The following PHLPP1 variants were observed in gnomAD, a reference collection of about 807,000 sequenced individuals.
PHLPP1 encodes PH domain and leucine rich repeat protein phosphatase 1.
Under a neutral mutation model 117.2 loss-of-function variants are expected in PHLPP1, and 42 were observed. That is an observed-to-expected ratio of 0.36 (90% confidence interval 0.28 to 0.46). PHLPP1 has a LOEUF of 0.46. PHLPP1 is among the 20% of genes least tolerant of loss of function. PHLPP1 has a pLI of 1.00. For missense variants in PHLPP1, 2,084 were observed against 2,241.9 expected (o/e 0.93, Z 1.42); for synonymous variants, 1,042 against 970.7 (o/e 1.07, Z -1.37).
At chr18:62,718,744 TA>T (rs971080960) in intron 1 of PHLPP1, among the ~76,000 whole-genome samples, 4 of 152,230 alleles carry the variant, frequency 2.6e-5, no homozygotes, top group African/African-American at 9.6e-5. Context: ...ACAAAAGCAT[TA>T]AAAATAGGTG....
chr18:62,958,305 T>C (rs1910676583), intron 12 of PHLPP1, among the ~76,000 whole-genome samples: 1 of 152,232 alleles, frequency 6.6e-6, no homozygotes, highest in African/African-American at 2.4e-5. Context: ...CACGGAGATT[T>C]TGTGAGCAAT....
At chr18:62,852,460 C>T (rs1311330746) in intron 3 of PHLPP1, among the ~76,000 whole-genome samples, 2 of 152,180 alleles carry the variant, frequency 1.3e-5, no homozygotes, top group East Asian at 3.9e-4. Context: ...TCTCCTGCCT[C>T]AGCCTCCCGA....
At chr18:62,836,093 CAT>C (rs577087006) in intron 2 of PHLPP1, among the ~76,000 whole-genome samples, 1 of 151,460 alleles carries the variant, frequency 6.6e-6, no homozygotes, top group Non-Finnish European at 1.5e-5. Context: ...GTTCTTGATA[CAT>C]ATATATATTT....
intron 11 of PHLPP1, among the ~76,000 whole-genome samples, chr18:62,943,908 T>A (rs1340104095): frequency 6.6e-6 from 1 of 152,200 alleles, no homozygotes; most frequent in Admixed American, 6.5e-5. Context: ...ACATATTGTT[T>A]GTAGTCTATT....
chr18:62,775,522 A>G (rs895255699), intron 1 of PHLPP1, among the ~76,000 whole-genome samples: 1 of 152,192 alleles, frequency 6.6e-6, no homozygotes, highest in African/African-American at 2.4e-5. Context: ...TTATCTTTTC[A>G]GGTCTAAACT....
intron 10 of PHLPP1, 81 bp downstream of exon 10, chr18:62,920,195 G>A (rs987887829): frequency 1.5e-6 from 2 of 1,292,274 alleles, no homozygotes; most frequent in Non-Finnish European, 1.1e-6. Context: ...ACCTGAGACT[G>A]TATAAACTTT....
At chr18:62,764,270 T>C (rs75922139) in intron 1 of PHLPP1, among the ~76,000 whole-genome samples, 11 of 152,306 alleles carry the variant, frequency 7.2e-5, no homozygotes, top group Admixed American at 5.9e-4. Context: ...ATACCTCTGT[T>C]CATTTATAGG....
At chr18:62,897,410 A>G (rs1344094670) in intron 6 of PHLPP1, among the ~76,000 whole-genome samples, 1 of 152,256 alleles carries the variant, frequency 6.6e-6, no homozygotes, top group Non-Finnish European at 1.5e-5. Context: ...GACCATGAGT[A>G]ACTGCTTCCT....
Position 62,716,777 on chromosome 18 carries a change from C to G in PHLPP1, c.1094C>G (p.Pro365Arg). 2 of 1,526,546 alleles carry G rather than the reference C, an allele frequency of 1.3e-6. No homozygotes were observed. Among genetic ancestry groups the G allele is most frequent in the Non-Finnish European group, 1.8e-6 (2 of 1,142,198 alleles). The allele number at this position is 1,526,546 out of a possible 1,614,324, so 94.6% of individuals were successfully genotyped here. A position where few individuals can be genotyped will look rare whatever the true frequency, so the allele number is the denominator to read the frequency against. ...GAGAGCGTGTCTGACCGGTTGGACC[C>G]CTACAGCAGCGGCGGCGGCTCCTCG... The part of the protein sequence containing the change: ...SAESVSDRLD[P>R]YSSGGGSSSS... The change falls in exon 1 of 17, where the codon CCC becomes CGC. Residue 365 changes from proline to arginine, a missense_variant. By Grantham distance (103) the Pro-to-Arg change is moderately radical. Around this residue, in one of 2 missense-constraint regions of PHLPP1, gnomAD observed 719 missense variants for 636.0 expected, o/e 1.13. Coordinates refer to ENST00000262719, the MANE Select transcript of PHLPP1 (RefSeq NM_194449.4). This position sits in a 1 kb window ranked among gnomAD's most constrained non-coding sequence, Gnocchi z 5.7.
chr18:62,958,418 T>C (rs1249246704), intron 12 of PHLPP1, among the ~76,000 whole-genome samples: 2 of 152,248 alleles, frequency 1.3e-5, no homozygotes, highest in Admixed American at 1.3e-4. Context: ...TTTTCTGTTA[T>C]TCAAAGAAAA....
chr18:62,934,351 GA>G (rs1458441684), intron 10 of PHLPP1, among the ~76,000 whole-genome samples: 1 of 152,028 alleles, frequency 6.6e-6, no homozygotes, highest in Non-Finnish European at 1.5e-5. Context: ...ATTGGATAAA[GA>G]AAATATGGTA....
chr18:62,769,135 G>T (rs968130161), intron 1 of PHLPP1, among the ~76,000 whole-genome samples: 1 of 152,148 alleles, frequency 6.6e-6, no homozygotes, highest in East Asian at 1.9e-4. Context: ...TTAGCATTCT[G>T]TATCAAACTT....
At chr18:62,915,881 C>T (rs1478823756) in intron 9 of PHLPP1, among the ~76,000 whole-genome samples, 5 of 152,174 alleles carry the variant, frequency 3.3e-5, no homozygotes, top group Non-Finnish European at 7.3e-5. Context: ...CATATAGTTA[C>T]TTGTGGCTGC....
At chr18:62,799,750 A>G (rs548019998) in intron 1 of PHLPP1, among the ~76,000 whole-genome samples, 35 of 152,310 alleles carry the variant, frequency 2.3e-4, no homozygotes, top group Non-Finnish European at 4.3e-4. Context: ...CCTCACCTGT[A>G]TTCATATTGA....
intron 1 of PHLPP1, among the ~76,000 whole-genome samples, chr18:62,788,061 T>C (rs998408451): frequency 6.6e-6 from 1 of 152,272 alleles, no homozygotes; most frequent in African/African-American, 2.4e-5. Context: ...TTATGTTATT[T>C]GATTTTTTCA....
rs762411566 is a variant in PHLPP1 at position 62,978,432 on chromosome 18, C to T, written c.4155C>T (p.Ala1385=). ...GLWDSLSVEE[A]VEAVRNVPDA... ...GGGACAGCCTGTCCGTCGAGGAGGC[C>T]GTGGAAGCCGTGCGCAACGTGCCCG... Residue 1385 remains alanine (A), a synonymous_variant, in exon 17 of 17, where the codon GCC becomes GCT. Coordinates refer to ENST00000262719, the MANE Select transcript of PHLPP1 (RefSeq NM_194449.4). This position sits in a 1 kb window ranked among gnomAD's most constrained non-coding sequence, Gnocchi z 7.0. 1.1e-5 allele frequency: 17 copies of T among 1,611,512 alleles called. No homozygotes were observed. The highest frequency in any genetic ancestry group is 3.3e-5 in the South Asian group (3 of 90,550).
intron 10 of PHLPP1, among the ~76,000 whole-genome samples, chr18:62,936,289 C>A (rs1306169027): frequency 6.6e-6 from 1 of 152,060 alleles, no homozygotes; most frequent in African/African-American, 2.4e-5. Context: ...ATCAATATGA[C>A]CATACTGAAA....
At chr18:62,829,714 T>G (rs1219446476) in intron 1 of PHLPP1, among the ~76,000 whole-genome samples, 1 of 152,092 alleles carries the variant, frequency 6.6e-6, no homozygotes, top group Non-Finnish European at 1.5e-5. Flanking sequence ...ATTGCGCCAC[T>G]GCACTCCAGC....
intron 11 of PHLPP1, among the ~76,000 whole-genome samples, chr18:62,942,704 A>G (rs1430518433): frequency 1.3e-5 from 2 of 152,060 alleles, no homozygotes; most frequent in African/African-American, 4.8e-5. Flanking sequence ...TTAGGGCTTG[A>G]ACACACACCC....
Sources: gnomAD v4.1 joint callset for allele counts (sites outside exome capture counted in the v4.1 genomes callset) on GRCh38, gnomAD v4.1.1 for gene constraint, gnomAD v4.1.1 regional missense constraint, Gnocchi (gnomAD v3.1) non-coding constraint, MANE v1.5 for transcripts, NCBI Gene and HGNC (gene_info 2026-07-23, HGNC 2026-07-21) for gene names.